TTC28: variants seen among roughly 807,000 people sequenced by gnomAD.
TTC28 encodes tetratricopeptide repeat domain 28, also known as tetratricopeptide repeat protein 28.
TTC28 carries 61 observed loss-of-function variants against 198.0 expected under a neutral mutation model. The observed-to-expected ratio is 0.31, with a 90% CI of 0.25 to 0.38. The LOEUF (loss-of-function observed/expected upper bound fraction) is 0.38. Ranked by LOEUF, TTC28 falls within the 10% of genes least tolerant of loss-of-function variation. TTC28 has a pLI of 1.00. For missense variants in TTC28, 2,678 were observed against 3,164.0 expected, an observed-to-expected ratio of 0.85 and a Z score of 3.69; for synonymous variants, 1,171 against 1,297.8, an observed-to-expected ratio of 0.90 and a Z score of 2.10.
intron 12 of TTC28, among the ~76,000 whole-genome samples, chr22:28,049,108 C>A (rs1939979064): frequency 6.6e-6 from 1 of 152,144 alleles, no homozygotes. Flanking sequence ...AGTCTCTGAT[C>A]CTTATAAGGG....
At chr22:28,624,843 C>T (rs1054003416) in intron 2 of TTC28, among the ~76,000 whole-genome samples, 1 of 151,998 alleles carries the variant, frequency 6.6e-6, no homozygotes, top group Non-Finnish European at 1.5e-5. Context: ...AAATTCTTCA[C>T]GAAATTTTAG....
At chr22:28,194,033 G>A (rs1441532982) in intron 5 of TTC28, among the ~76,000 whole-genome samples, 2 of 152,054 alleles carry the variant, frequency 1.3e-5, no homozygotes, top group African/African-American at 4.8e-5. Context: ...CCACATAGTT[G>A]GAAATAAAGC....
At chr22:28,276,990 A>G (rs936933791) in intron 5 of TTC28, among the ~76,000 whole-genome samples, 1 of 152,166 alleles carries the variant, frequency 6.6e-6, no homozygotes, top group Non-Finnish European at 1.5e-5. Context: ...AAATAGTTAA[A>G]AAGTAAAATT....
chr22:28,479,568 A>T (rs926245936), intron 2 of TTC28, among the ~76,000 whole-genome samples: 6 of 152,294 alleles, frequency 3.9e-5, no homozygotes, highest in African/African-American at 1.4e-4. Flanking sequence ...AGATGCTCTG[A>T]TTCCTCTATT....
chr22:28,237,867 T>C (rs1292837549), intron 5 of TTC28, among the ~76,000 whole-genome samples: 4 of 152,196 alleles, frequency 2.6e-5, no homozygotes, highest in Non-Finnish European at 5.9e-5. Context: ...AAGCAGATTT[T>C]TGCTAGATAC....
chr22:27,987,290 G>A (rs770261248), intron 21 of TTC28, among the ~76,000 whole-genome samples: 5 of 152,208 alleles, frequency 3.3e-5, no homozygotes, highest in Non-Finnish European at 5.9e-5. Context: ...TGTGTTAAGA[G>A]TTTTTGGGTT....
At chr22:28,218,120 G>C (rs1411894191) in intron 5 of TTC28, among the ~76,000 whole-genome samples, 1 of 152,120 alleles carries the variant, frequency 6.6e-6, no homozygotes, top group Admixed American at 6.5e-5. Flanking sequence ...GCTTTTTTAA[G>C]GTTAGCTGCA....
intron 2 of TTC28, among the ~76,000 whole-genome samples, chr22:28,582,705 G>C (rs2050249850): frequency 2.0e-5 from 3 of 152,016 alleles, no homozygotes; most frequent in African/African-American, 7.2e-5. Flanking sequence ...GTTAGAGTTG[G>C]AAAGTTCCCT....
chr22:28,297,208 CTTTGT>C (rs1279574800), intron 4 of TTC28, among the ~76,000 whole-genome samples: 1 of 150,878 alleles, frequency 6.6e-6, no homozygotes, highest in Non-Finnish European at 1.5e-5. Context: ...CTTTTTTTTT[CTTTGT>C]TTTATTTTTT....
chr22:28,183,274 G>T (rs1333927643), intron 5 of TTC28, among the ~76,000 whole-genome samples: 1 of 152,048 alleles, frequency 6.6e-6, no homozygotes, highest in Admixed American at 6.6e-5. Context: ...TGCCCAGGCT[G>T]GTCTCCAGTC....
chr22:28,467,710 C>CT (rs1278458316), intron 2 of TTC28, among the ~76,000 whole-genome samples: 3 of 152,194 alleles, frequency 2.0e-5, no homozygotes, highest in Admixed American at 6.5e-5. Context: ...CATTAGCAAA[C>CT]TTAGAATTTT....
intron 2 of TTC28, among the ~76,000 whole-genome samples, chr22:28,433,036 T>A (rs768490719): frequency 5.6e-4 from 85 of 152,258 alleles, no homozygotes; most frequent in Non-Finnish European, 1.1e-3. Context: ...ACCAGCTACA[T>A]CAAGTGGTTA....
chr22:28,245,522 A>G (rs1449016605), intron 5 of TTC28, among the ~76,000 whole-genome samples: 1 of 152,122 alleles, frequency 6.6e-6, no homozygotes, highest in Non-Finnish European at 1.5e-5. Context: ...CTTAAATCCT[A>G]TTTTTTAGGG....
At chr22:28,187,604 C>T (rs1924321156) in intron 5 of TTC28, among the ~76,000 whole-genome samples, 1 of 152,168 alleles carries the variant, frequency 6.6e-6, no homozygotes. Context: ...ATGCTTCTTC[C>T]AATATCATCT....
At chr22:28,507,050 G>A (rs1601484450) in intron 2 of TTC28, among the ~76,000 whole-genome samples, 2 of 152,330 alleles carry the variant, frequency 1.3e-5, no homozygotes, top group Admixed American at 1.3e-4. Context: ...CAGAACTGGG[G>A]TGAGGCTGAG....
At chr22:28,426,600 G>A (rs1013527757) in intron 2 of TTC28, among the ~76,000 whole-genome samples, 1 of 152,018 alleles carries the variant, frequency 6.6e-6, no homozygotes, top group Admixed American at 6.6e-5. Context: ...GGAACCACTC[G>A]GTGATCCACC....
At chr22:28,128,008 T>A (rs1942959026) in intron 6 of TTC28, among the ~76,000 whole-genome samples, 1 of 151,794 alleles carries the variant, frequency 6.6e-6, no homozygotes, top group African/African-American at 2.4e-5. Flanking sequence ...GAACTACAGG[T>A]ATGAACCACT....
At chr22:28,612,911 C>T (rs944134740) in intron 2 of TTC28, among the ~76,000 whole-genome samples, 51 of 152,136 alleles carry the variant, frequency 3.4e-4, no homozygotes, top group Admixed American at 2.9e-3. Flanking sequence ...TCTAACGTCA[C>T]AATTAAAAGA....
chr22:28,257,780 A>ATATATATATC (rs1241022504), intron 5 of TTC28, among the ~76,000 whole-genome samples: 1 of 128,130 alleles, frequency 7.8e-6, no homozygotes, highest in African/African-American at 2.9e-5. Context: ...ATATATATAT[A>ATATATATATC]TCTTCTACTT....
Sources: allele counts gnomAD v4.1 joint callset (sites outside exome capture counted in the v4.1 genomes callset), GRCh38; gene constraint gnomAD v4.1.1; transcripts MANE v1.5; gene names NCBI Gene and HGNC (gene_info 2026-07-23, HGNC 2026-07-21).